Variants in CREB3L2 observed in about 807,000 individuals in gnomAD.
CREB3L2 encodes the protein cAMP responsive element binding protein 3 like 2.
Under a neutral mutation model 57.2 loss-of-function variants are expected in CREB3L2, and 23 were observed. That is an observed-to-expected ratio of 0.40 (90% CI 0.29 to 0.57). The LOEUF is 0.57. Among genes scored for constraint, CREB3L2 ranks in the 20% least tolerant of loss-of-function variants. CREB3L2 has a pLI of 0.42. For synonymous variants in CREB3L2, 268 were observed against 265.1 expected, an observed-to-expected ratio of 1.01 and a Z score of -0.11; for missense variants, 628 against 634.7, an observed-to-expected ratio of 0.99 and a Z score of 0.11.
chr7:137,933,128 T>G, intron 1 of CREB3L2, among the ~76,000 whole-genome samples: 1 of 152,216 alleles, frequency 6.6e-6, no homozygotes. Context: ...AATTTCCTGG[T>G]TGCCTGATGG....
At chr7:137,963,662 G>A (rs923783382) in intron 1 of CREB3L2, among the ~76,000 whole-genome samples, 4 of 152,044 alleles carry the variant, frequency 2.6e-5, no homozygotes, top group Non-Finnish European at 4.4e-5. Context: ...ATTTATATTA[G>A]AGTCTCTGGC....
At chr7:137,972,707 A>AAACAAAACAAAACAAAC (rs1554503520) in intron 1 of CREB3L2, among the ~76,000 whole-genome samples, 5 of 44,234 alleles carry the variant, frequency 1.1e-4, no homozygotes, top group African/African-American at 6.5e-4. Flanking sequence ...AAAAAAAAAA[A>AAACAAAACAAAACAAAC]AAAAAATATA....
At chr7:137,924,285 A>G (rs958738241) in intron 2 of CREB3L2, among the ~76,000 whole-genome samples, 5 of 152,198 alleles carry the variant, frequency 3.3e-5, no homozygotes, top group African/African-American at 1.2e-4. Flanking sequence ...TTTTATGCTA[A>G]GGTCTGTTGA....
chr7:137,903,931 G>A, intron 7 of CREB3L2, 28 bp downstream of exon 7: 6 of 1,593,074 alleles, frequency 3.8e-6, no homozygotes, highest in Non-Finnish European at 5.2e-6. Flanking sequence ...ACTGCCCGAT[G>A]AACGCAACAG....
chr7:137,914,925 G>A (rs1800095000), intron 3 of CREB3L2, among the ~76,000 whole-genome samples: 1 of 151,686 alleles, frequency 6.6e-6, no homozygotes, highest in South Asian at 2.1e-4. Flanking sequence ...ACAGAGTCTT[G>A]CTCTGTTGCC....
intron 1 of CREB3L2, among the ~76,000 whole-genome samples, chr7:137,939,096 G>A (rs1800839709): frequency 6.6e-6 from 1 of 152,190 alleles, no homozygotes; most frequent in Non-Finnish European, 1.5e-5. Context: ...CTCTAGCCTA[G>A]TAGGGCCTGT....
rs1434208009 is a variant in CREB3L2 at position 137,931,571 on chromosome 7, T to C, written c.103-3205A>G. Among the ~76,000 whole-genome samples, 3 of 149,578 alleles carry C rather than the reference T, an allele frequency of 2.0e-5. No homozygotes were observed. In the East Asian group the frequency reaches 5.9e-4, roughly 29 times the overall value. ...GGCCAGGCTTGCTTGGTGGCTCATGTCTGTAATCCCAGAACTCTGGGAGGC... is the reference window on the plus strand; with the variant it reads ...GGCCAGGCTTGCTTGGTGGCTCATGCCTGTAATCCCAGAACTCTGGGAGGC... On this transcript the variant is annotated intron_variant, in intron 1 of 11. Transcript: ENST00000330387.
Position 137,877,500 on chromosome 7 carries a change from G to A in CREB3L2, c.*2976C>T, listed in dbSNP as rs1035277549. The A allele has an allele frequency of 8.8e-6, 2 of 226,118 alleles. No homozygotes were observed. The highest frequency in any genetic ancestry group is 1.8e-4 in the South Asian group (1 of 5,476). The allele number at this position is 226,118 out of a possible 1,614,324, so 14.0% of individuals were successfully genotyped here. ...ATCCCTTTTTAAGTGCAAAGTCGAG[G>A]GCTGTGAAAAGAACCACGGTGGGGG... On this transcript the variant is annotated 3_prime_UTR_variant, in exon 12 of 12. Coordinates refer to ENST00000330387, the MANE Select transcript of CREB3L2 (RefSeq NM_194071.4).
rs762143233 is a variant in CREB3L2, at chr7:137,885,440, C to A, written c.1106G>T (p.Cys369Phe). 2 of 1,614,150 alleles carry A rather than the reference C, an allele frequency of 1.2e-6. No homozygotes were observed. The highest frequency in any genetic ancestry group is 1.7e-6 in the Non-Finnish European group (2 of 1,180,012). ...GCCAGTCTGCGTGCCAGCTAACTTGCAGGTTCGAGAAACCTTGCCCATCAC... is the reference window on the plus strand; with the variant it reads ...GCCAGTCTGCGTGCCAGCTAACTTGAAGGTTCGAGAAACCTTGCCCATCAC... ...TLVMGKVSRT[C>F]KLAGTQTGTC... The change falls in exon 9 of 12, where the codon TGC becomes TTC. Residue 369 changes from cysteine to phenylalanine, a missense_variant. By Grantham distance (205) the Cys-to-Phe change is radical. Transcript: ENST00000330387.
At chr7:137,995,333 CTTTTTT>C (rs10676214) in intron 1 of CREB3L2, among the ~76,000 whole-genome samples, 7 of 87,428 alleles carry the variant, frequency 8.0e-5, no homozygotes, top group Admixed American at 1.7e-4. Context: ...TCTTTTCTTT[CTTTTTT>C]TTTTTTTTTT....
chr7:137,929,383 G>C (rs910153811), intron 1 of CREB3L2, among the ~76,000 whole-genome samples: 3 of 151,994 alleles, frequency 2.0e-5, no homozygotes, highest in Admixed American at 6.6e-5. Flanking sequence ...GGGCAGGGGT[G>C]GGGCATTGTT....
At chr7:137,984,734 A>G (rs1801765687) in intron 1 of CREB3L2, among the ~76,000 whole-genome samples, 1 of 152,194 alleles carries the variant, frequency 6.6e-6, no homozygotes, top group African/African-American at 2.4e-5. Flanking sequence ...TAGTTCCTCA[A>G]AAAAGCTATG....
intron 2 of CREB3L2, among the ~76,000 whole-genome samples, chr7:137,922,427 T>C (rs1336668660): frequency 7.8e-5 from 4 of 50,958 alleles, no homozygotes; most frequent in African/African-American, 1.4e-4. Context: ...TATATATATA[T>C]ATATATATAC....
At chr7:137,894,154 A>G (rs1799574172) in intron 8 of CREB3L2, among the ~76,000 whole-genome samples, 1 of 152,214 alleles carries the variant, frequency 6.6e-6, no homozygotes, top group Non-Finnish European at 1.5e-5. Context: ...TAACCTGGAC[A>G]GATGAGGTAA....
At chr7:137,933,205 A>G (rs1463976857) in intron 1 of CREB3L2, among the ~76,000 whole-genome samples, 2 of 152,242 alleles carry the variant, frequency 1.3e-5, no homozygotes, top group African/African-American at 2.4e-5. Context: ...AAAGAGAAAT[A>G]AATAACAGAA....
intron 1 of CREB3L2, among the ~76,000 whole-genome samples, chr7:137,991,270 T>C (rs1031698436): frequency 4.0e-5 from 6 of 151,868 alleles, no homozygotes; most frequent in Admixed American, 3.9e-4. Flanking sequence ...TTCATGCTAT[T>C]CTCCTGCCTC....
chr7:137,994,647 T>C (rs1801956493), intron 1 of CREB3L2, among the ~76,000 whole-genome samples: 4 of 152,122 alleles, frequency 2.6e-5, no homozygotes, highest in Admixed American at 2.6e-4. Context: ...CTAAATAATA[T>C]TCTTAGAACT....
At chr7:137,921,590 G>A (rs1348904041) in intron 2 of CREB3L2, among the ~76,000 whole-genome samples, 1 of 152,086 alleles carries the variant, frequency 6.6e-6, no homozygotes, top group Non-Finnish European at 1.5e-5. Context: ...GTAGCTAAGC[G>A]CATTGAATGG....
At chr7:137,885,196 C>T (rs1452398486) in intron 9 of CREB3L2, 75 bp from the exon 10 acceptor site, 56 of 1,534,566 alleles carry the variant, frequency 3.6e-5, no homozygotes, top group Non-Finnish European at 4.9e-5. Flanking sequence ...AGCTTTATAC[C>T]CAGGGACACA....
Sources: allele counts gnomAD v4.1 joint callset (sites outside exome capture counted in the v4.1 genomes callset), GRCh38; gene constraint gnomAD v4.1.1; transcripts MANE v1.5; gene names NCBI Gene and HGNC (gene_info 2026-07-23, HGNC 2026-07-21).